The following ADAMTSL1 variants were observed in gnomAD, a reference collection of about 807,000 sequenced individuals.
ADAMTSL1 encodes the protein ADAMTS like 1.
ADAMTSL1 carries 126 observed loss-of-function variants against 201.8 expected under a neutral mutation model. The ratio of observed to expected loss-of-function variants is 0.62; its 90% CI spans 0.54 to 0.72. The LOEUF is 0.72. Among genes scored for constraint, ADAMTSL1 ranks in the 30% least tolerant of loss-of-function variants. The pLI is 0.00. For missense variants in ADAMTSL1, 2,679 were observed against 2,277.8 expected, an observed-to-expected ratio of 1.18 and a Z score of -3.59; for synonymous variants, 1,121 against 903.4, an observed-to-expected ratio of 1.24 and a Z score of -4.32.
At chr9:18,482,836 T>C (rs1465195002) in intron 1 of ADAMTSL1, among the ~76,000 whole-genome samples, 6 of 152,212 alleles carry the variant, frequency 3.9e-5, no homozygotes, top group African/African-American at 1.4e-4. Flanking sequence ...TAAGTGAGAT[T>C]TGGTGGGAAC....
intron 1 of ADAMTSL1, among the ~76,000 whole-genome samples, chr9:17,921,784 G>T (rs1005596488): frequency 6.6e-6 from 1 of 152,114 alleles, no homozygotes; most frequent in Non-Finnish European, 1.5e-5. Flanking sequence ...TTAGGGAAGA[G>T]ATTCCGTGCT....
intron 26 of ADAMTSL1, among the ~76,000 whole-genome samples, chr9:18,900,849 G>A (rs990527533): frequency 2.0e-5 from 3 of 152,154 alleles, no homozygotes; most frequent in Non-Finnish European, 4.4e-5. Context: ...ATACCCAGCT[G>A]ATGGGATGGT....
intron 1 of ADAMTSL1, among the ~76,000 whole-genome samples, chr9:18,146,335 C>T (rs542014803): frequency 1.2e-4 from 18 of 152,086 alleles, no homozygotes; most frequent in African/African-American, 3.9e-4. Context: ...GATCAAAAAT[C>T]GCAAGAAACC....
chr9:17,987,630 G>A (rs1211708674), intron 1 of ADAMTSL1, among the ~76,000 whole-genome samples: 1 of 152,066 alleles, frequency 6.6e-6, no homozygotes, highest in South Asian at 2.1e-4. Context: ...CACGTAAAAT[G>A]TGCCCAAGAA....
At chr9:18,076,865 G>A (rs1823253238) in intron 1 of ADAMTSL1, among the ~76,000 whole-genome samples, 1 of 152,144 alleles carries the variant, frequency 6.6e-6, no homozygotes, top group African/African-American at 2.4e-5. Flanking sequence ...AAAAATGGTG[G>A]TATTAAGGAG....
chr9:18,121,403 C>A (rs1198219883), intron 1 of ADAMTSL1, among the ~76,000 whole-genome samples: 5 of 152,018 alleles, frequency 3.3e-5, no homozygotes, highest in African/African-American at 1.2e-4. Flanking sequence ...ATTGAAATAC[C>A]CACCCACAAT....
intron 1 of ADAMTSL1, among the ~76,000 whole-genome samples, chr9:17,973,269 G>C (rs1818292089): frequency 6.9e-6 from 1 of 144,394 alleles, no homozygotes; most frequent in Non-Finnish European, 1.5e-5. Flanking sequence ...TATTGCCTAG[G>C]TTTTCTTCTA....
chr9:18,654,671 A>G (rs1170278833), intron 7 of ADAMTSL1, among the ~76,000 whole-genome samples: 2 of 151,070 alleles, frequency 1.3e-5, no homozygotes, highest in African/African-American at 4.8e-5. Context: ...AGCCCAAACA[A>G]AAGCATTTTA....
At chr9:18,246,636 T>G (rs1292589958) in intron 2 of ADAMTSL1, among the ~76,000 whole-genome samples, 1 of 152,194 alleles carries the variant, frequency 6.6e-6, no homozygotes, top group Non-Finnish European at 1.5e-5. Flanking sequence ...AAAGATTAGA[T>G]AAATGATTCA....
intron 19 of ADAMTSL1, among the ~76,000 whole-genome samples, chr9:18,781,381 G>A (rs991851777): frequency 6.6e-6 from 1 of 152,106 alleles, no homozygotes; most frequent in South Asian, 2.1e-4. Flanking sequence ...AATGGCATGT[G>A]GTAAGGAAAA....
At chr9:18,900,761 C>G (rs1829965768) in intron 26 of ADAMTSL1, among the ~76,000 whole-genome samples, 1 of 80,586 alleles carries the variant, frequency 1.2e-5, no homozygotes, top group Non-Finnish European at 2.3e-5. Context: ...ACAACACACA[C>G]TGGGGCCTAT....
intron 12 of ADAMTSL1, among the ~76,000 whole-genome samples, chr9:18,682,975 C>T (rs1481574777): frequency 6.6e-6 from 1 of 152,120 alleles, no homozygotes; most frequent in Non-Finnish European, 1.5e-5. Flanking sequence ...TGAGATATAA[C>T]ATAAACAGGG....
At chr9:18,545,340 A>G (rs1306807150) in intron 3 of ADAMTSL1, among the ~76,000 whole-genome samples, 1 of 152,184 alleles carries the variant, frequency 6.6e-6, no homozygotes, top group Non-Finnish European at 1.5e-5. Flanking sequence ...ATGCCGAAGC[A>G]CATGCTCATT....
intron 19 of ADAMTSL1, among the ~76,000 whole-genome samples, chr9:18,782,242 G>C (rs1382919800): frequency 6.6e-6 from 1 of 152,140 alleles, no homozygotes; most frequent in Non-Finnish European, 1.5e-5. Context: ...CTAAGAAAGA[G>C]GTATGCATAT....
intron 1 of ADAMTSL1, among the ~76,000 whole-genome samples, chr9:17,907,194 G>T (rs1331359640): frequency 6.6e-6 from 1 of 152,192 alleles, no homozygotes; most frequent in Non-Finnish European, 1.5e-5. Flanking sequence ...CTTCCAGCCA[G>T]GCAGAGCCGG....
At chr9:18,218,160 G>T (rs547011422) in intron 2 of ADAMTSL1, among the ~76,000 whole-genome samples, 1 of 152,158 alleles carries the variant, frequency 6.6e-6, no homozygotes, top group Admixed American at 6.5e-5. Flanking sequence ...AGTCATCTAC[G>T]ATCAAATAGA....
intron 1 of ADAMTSL1, among the ~76,000 whole-genome samples, chr9:17,984,644 G>T (rs1197820376): frequency 1.3e-5 from 2 of 152,052 alleles, no homozygotes; most frequent in Non-Finnish European, 2.9e-5. Flanking sequence ...AAACTCCTTA[G>T]TCCGAGTTGT....
intron 1 of ADAMTSL1, among the ~76,000 whole-genome samples, chr9:17,908,166 C>T (rs930822271): frequency 6.6e-6 from 1 of 152,148 alleles, no homozygotes; most frequent in East Asian, 1.9e-4. Flanking sequence ...GCAGGGAACA[C>T]CTGCTTAGAT....
intron 15 of ADAMTSL1, among the ~76,000 whole-genome samples, chr9:18,745,301 C>G (rs578116196): frequency 8.3e-4 from 126 of 152,238 alleles, no homozygotes; most frequent in Admixed American, 2.2e-3. Context: ...GTTTTCTCTT[C>G]TCTCTGGTTT....
Sources: gnomAD v4.1 joint callset for allele counts (sites outside exome capture counted in the v4.1 genomes callset) on GRCh38, gnomAD v4.1.1 for gene constraint, MANE v1.5 for transcripts, NCBI Gene and HGNC (gene_info 2026-07-23, HGNC 2026-07-21) for gene names.